The following CLIP1 variants were observed in gnomAD, a reference collection of about 807,000 sequenced individuals.
The protein encoded by CLIP1 is CAP-Gly domain-containing linker protein 1.
In CLIP1, 66 loss-of-function variants were observed where a neutral mutation model predicts 161.6. The observed-to-expected ratio is 0.41, with a 90% CI of 0.33 to 0.50. The LOEUF (loss-of-function observed/expected upper bound fraction) is 0.50, where lower values mean the gene tolerates loss of function less well. Ranked by LOEUF, CLIP1 falls within the 20% of genes least tolerant of loss-of-function variation. CLIP1 has a pLI of 0.27. For missense variants in CLIP1, 1,376 were observed against 1,702.0 expected, an observed-to-expected ratio of 0.81 and a Z score of 3.37; for synonymous variants, 598 against 626.2, an observed-to-expected ratio of 0.96 and a Z score of 0.67.
At chr12:122,342,205 A>C (rs1464799444) in intron 10 of CLIP1, 1 of 152,258 alleles carries the variant, frequency 6.6e-6, no homozygotes, top group Non-Finnish European at 1.5e-5. Context: ...GTCCAACTTT[A>C]GTATCTCCAA....
rs1198070592 is a variant in CLIP1, at chr12:122,323,697, C to A, written c.3249+4250G>T. 1 of 152,664 alleles carries A rather than the reference C, an allele frequency of 6.6e-6. No individual in the cohort carries two copies. The highest frequency in any genetic ancestry group is 1.5e-5 in the Non-Finnish European group (1 of 68,052). The allele number at this position is 152,664 out of a possible 1,614,324, so 9.5% of individuals were successfully genotyped here. On this transcript the variant is annotated intron_variant, in intron 17 of 25. Transcript: ENST00000620786. This position sits in a 1 kb window ranked among gnomAD's most constrained non-coding sequence, Gnocchi z 4.1. The stretch of plus-strand genomic sequence containing the variant: ...ACATTATCTCGTTCTACCTTTAAGG[C>A]TATGCACGTGTTATCGAGATTGGAC...
At chr12:122,408,442 A>G (rs1419773542) in intron 1 of CLIP1, among the ~76,000 whole-genome samples, 1 of 151,704 alleles carries the variant, frequency 6.6e-6, no homozygotes, top group African/African-American at 2.4e-5. Context: ...TCTACCTCCC[A>G]GGTTCACGCC....
At position 122,340,852 on chromosome 12, in the gene CLIP1, G is replaced by A. The variant is rs777657408; in HGVS notation, c.2352C>T (p.Ser784=). Residue 784 remains serine, a synonymous_variant, in exon 11 of 26, where the codon TCC becomes TCT. Transcript: ENST00000620786. ...GTTTCTTCATTTCCGATTTACCTTC[G>A]GAACTGGCTTTCCGAAGTGCATCAA... ...LDLDALRKAS[S]EGKSEMKKLR... is the part of the protein sequence containing the mutation. 2.2e-5 allele frequency: 36 copies of A among 1,613,856 alleles called. No homozygotes were observed. The highest frequency in any genetic ancestry group is 5.0e-5 in the Admixed American group (3 of 59,982).
chr12:122,314,832 T>C (rs1282185558), intron 19 of CLIP1, among the ~76,000 whole-genome samples: 2 of 152,204 alleles, frequency 1.3e-5, no homozygotes, highest in East Asian at 3.8e-4. Context: ...TTACAACAAA[T>C]GACTTTGTTT....
Position 122,377,689 on chromosome 12 carries a change from G to A in CLIP1, c.357C>T (p.Thr119=). 1 of 1,613,478 alleles carries A rather than the reference G, an allele frequency of 6.2e-7. No individual in the cohort carries two copies. The highest frequency in any genetic ancestry group is 1.1e-5 in the South Asian group (1 of 91,038). Residue 119 remains threonine, a synonymous_variant, in exon 3 of 26, where the codon ACC becomes ACT. Transcript: ENST00000620786. ...FQCEPLKGIF[T]RPSKLTRKVQ... The stretch of plus-strand genomic sequence containing the variant: ...CCTTCCTTGTTAACTTTGAAGGTCG[G>A]GTAAATATGCCCTTTAAAGGTTCAC...
Position 122,354,729 on chromosome 12 carries a change from T to C in CLIP1, c.1204-173A>G, listed in dbSNP as rs141649161. 6.0e-5 allele frequency: 36 copies of C among 596,424 alleles called. 1 individual carries two copies. Among genetic ancestry groups the C allele is most frequent in the South Asian group, 3.7e-4 (18 of 49,050 alleles). 36.9% of individuals were successfully genotyped at this position (596,424 alleles called of 1,614,324 possible). A position where few individuals can be genotyped will look rare whatever the true frequency, so the allele number is the denominator to read the frequency against. The stretch of plus-strand genomic sequence containing the variant: ...TATTCTCAACAGCTTTCCTGGAAGA[T>C]AGATGATGAAAGTGATAAAGAACAA... On this transcript the variant is annotated intron_variant, in intron 6 of 25. Coordinates refer to ENST00000620786, the MANE Select transcript of CLIP1 (RefSeq NM_001247997.2).
chr12:122,390,279 CATATATATATATATATATATATATGT>C (rs1237132955), intron 1 of CLIP1, among the ~76,000 whole-genome samples: 2 of 78,984 alleles, frequency 2.5e-5, no homozygotes, highest in African/African-American at 7.6e-5. Context: ...TATATATATA[CATATATATATATATATATATATATGT>C]ATATATATAT....
At chr12:122,280,047 A>C (rs1281811390) in intron 21 of CLIP1, 1 of 152,210 alleles carries the variant, frequency 6.6e-6, no homozygotes, top group Non-Finnish European at 1.5e-5. Context: ...ATGTGTTTAC[A>C]TATGTGTACC....
At chr12:122,412,587 G>C (rs75285820) in intron 1 of CLIP1, among the ~76,000 whole-genome samples, 2 of 151,898 alleles carry the variant, frequency 1.3e-5, no homozygotes, top group Non-Finnish European at 2.9e-5. Flanking sequence ...CTCGGTAGGC[G>C]GAGGTTGCAG....
At chr12:122,396,857 C>A (rs1445864968) in intron 1 of CLIP1, among the ~76,000 whole-genome samples, 1 of 151,466 alleles carries the variant, frequency 6.6e-6, no homozygotes, top group Non-Finnish European at 1.5e-5. Flanking sequence ...GCCTTGACCT[C>A]CCAGACTCCA....
Position 122,341,442 on chromosome 12 carries a change from T to A in CLIP1, c.1762A>T (p.Ile588Leu), listed in dbSNP as rs201086053. The change falls in exon 11 of 26, where the codon ATA becomes TTA. Residue 588 changes from isoleucine to leucine, a missense_variant. Physicochemically the swap from Ile to Leu is conservative, Grantham distance 5. Transcript: ENST00000620786. The stretch of plus-strand genomic sequence containing the variant: ...TCCGTGGCGGTATACAGAGCCTTTA[T>A]CTCCTTCTGATGAGTTTCTTCCCGG... Reference protein sequence around the residue: ...GAREETHQKEIKALYTATEKL... With the variant: ...GAREETHQKELKALYTATEKL... The A allele has an allele frequency of 1.4e-4, 218 of 1,613,822 alleles. No homozygotes were observed. Among genetic ancestry groups the A allele is most frequent in the Non-Finnish European group, 1.8e-4 (210 of 1,179,864 alleles).
At chr12:122,337,259 C>T (rs1334377030) in intron 11 of CLIP1, among the ~76,000 whole-genome samples, 1 of 151,806 alleles carries the variant, frequency 6.6e-6, no homozygotes, top group African/African-American at 2.4e-5. Flanking sequence ...ACCAGCCTGG[C>T]CAATATGGTG....
chr12:122,362,056 C>T (rs1385987202), intron 4 of CLIP1, among the ~76,000 whole-genome samples: 1 of 151,608 alleles, frequency 6.6e-6, no homozygotes, highest in Non-Finnish European at 1.5e-5. Flanking sequence ...CAGGTTCAAG[C>T]GATTCTCCTG....
chr12:122,348,556 G>A (rs78755309), intron 9 of CLIP1, among the ~76,000 whole-genome samples: 2,578 of 152,230 alleles, frequency 0.017, 67 homozygotes, highest in African/African-American at 0.058. Context: ...GCCTGATAGG[G>A]AACCCAGAGG....
chr12:122,288,601 C>T, intron 20 of CLIP1, 60 bp from the exon 21 acceptor site: 1 of 1,442,100 alleles, frequency 6.9e-7, no homozygotes, highest in South Asian at 1.2e-5. Context: ...GCATATTTCT[C>T]ATCCCACATG....
Position 122,363,043 on chromosome 12 carries a change from C to T in CLIP1, c.782+940G>A, listed in dbSNP as rs550901953. Among the ~76,000 whole-genome samples the T allele has an allele frequency of 1.1e-4, 17 of 152,226 alleles. No individual in the cohort carries two copies. In the South Asian group the frequency reaches 2.7e-3, roughly 24 times the overall value. ...TGTTTTATAAGTAAAATGTTAACTA[C>T]CACATTTTAATAATCAAGTGATGCA... is the stretch of plus-strand genomic sequence containing the variant. On this transcript the variant is annotated intron_variant, in intron 4 of 25. Coordinates refer to ENST00000620786, the MANE Select transcript of CLIP1 (RefSeq NM_001247997.2).
At chr12:122,390,302 A>ATATG (rs1417353405) in intron 1 of CLIP1, among the ~76,000 whole-genome samples, 1 of 111,892 alleles carries the variant, frequency 8.9e-6, no homozygotes, top group Non-Finnish European at 1.8e-5. Context: ...ATATATATAT[A>ATATG]TGTATATATA....
At position 122,333,243 on chromosome 12, in the gene CLIP1, T is replaced by A. The variant is rs1028732985; in HGVS notation, c.2711-100A>T. The A allele has an allele frequency of 2.3e-5, 20 of 858,488 alleles. 1 individual carries two copies. Among genetic ancestry groups the A allele is most frequent in the Non-Finnish European group, 3.4e-5 (19 of 564,814 alleles). The allele number at this position is 858,488 out of a possible 1,614,324, so 53.2% of individuals were successfully genotyped here. On this transcript the variant is annotated intron_variant, in intron 14 of 25. Transcript: ENST00000620786. ...TGGTAATATTTTCACACAGCAATTC[T>A]TGTCCTCATAAAAATCACATTCTAG...
chr12:122,316,653 T>C (rs1951285486), intron 19 of CLIP1, 96 bp downstream of exon 19: 1 of 775,244 alleles, frequency 1.3e-6, no homozygotes, highest in Non-Finnish European at 2.0e-6. Flanking sequence ...GTTTACTTTA[T>C]GTACTTCTCA....
Sources: allele counts gnomAD v4.1 joint callset (sites outside exome capture counted in the v4.1 genomes callset), GRCh38; gene constraint gnomAD v4.1.1; non-coding constraint Gnocchi (gnomAD v3.1); transcripts MANE v1.5; gene names NCBI Gene and HGNC (gene_info 2026-07-23, HGNC 2026-07-21).